Variants in ARHGEF10L observed in about 807,000 individuals in gnomAD.
ARHGEF10L encodes the protein rho guanine nucleotide exchange factor 10-like protein.
Under a neutral mutation model 141.2 loss-of-function variants are expected in ARHGEF10L, and 69 were observed. The ratio of observed to expected loss-of-function variants is 0.49; its 90% confidence interval spans 0.40 to 0.60. ARHGEF10L has a LOEUF of 0.60. ARHGEF10L is among the 20% of genes least tolerant of loss of function. The pLI is 0.00. For synonymous variants in ARHGEF10L, 711 were observed against 718.5 expected (o/e 0.99, Z 0.17); for missense variants, 1,482 against 1,734.3 (o/e 0.85, Z 2.58).
In ARHGEF10L at chr1:17,588,619, G is replaced by A. The variant is rs551290009; in HGVS notation, c.257+140G>A. 54 of 1,042,854 alleles carry A rather than the reference G, an allele frequency of 5.2e-5. No homozygotes were observed. In the African/African-American group the frequency reaches 5.7e-4, roughly 11 times the overall value. 64.6% of individuals were successfully genotyped at this position (1,042,854 alleles called of 1,614,324 possible). A position where few individuals can be genotyped will look rare whatever the true frequency, so the allele number is the denominator to read the frequency against. ...GGAAAGCATTTCACTGAGGCCCTGT[G>A]CCCTGGGGGAAGAGGTCAGTTCCAG... On this transcript the variant is annotated intron_variant, in intron 4 of 28. Transcript: ENST00000361221.
upstream of ARHGEF10L, among the ~76,000 whole-genome samples, chr1:17,536,912 T>C (rs2076583760): frequency 6.6e-6 from 1 of 152,050 alleles, no homozygotes; most frequent in Non-Finnish European, 1.5e-5. Context: ...TGCTGTTGCC[T>C]AGGCTGGGGT....
chr1:17,532,647 T>A, the ARHGEF10L span, among the ~76,000 whole-genome samples: 1 of 146,364 alleles, frequency 6.8e-6, no homozygotes, highest in Admixed American at 7.2e-5. Context: ...CGGGCTGGAG[T>A]GAAGTGGCGT....
chr1:17,665,957 G>T (rs779272924), intron 26 of ARHGEF10L, among the ~76,000 whole-genome samples: 20 of 152,162 alleles, frequency 1.3e-4, no homozygotes, highest in Non-Finnish European at 2.8e-4. Flanking sequence ...AAAGCTGGGA[G>T]ACCTGAGACC....
intron 25 of ARHGEF10L, among the ~76,000 whole-genome samples, chr1:17,658,877 A>G (rs1036219725): frequency 9.9e-5 from 15 of 152,156 alleles, no homozygotes; most frequent in African/African-American, 3.1e-4. Flanking sequence ...CTGAGATCTT[A>G]AGAAGCCAGG....
At chr1:17,664,370 C>G (rs960017504) in intron 25 of ARHGEF10L, 77 bp from the exon 26 acceptor site, 23 of 1,505,730 alleles carry the variant, frequency 1.5e-5, no homozygotes, top group Non-Finnish European at 2.0e-5. Flanking sequence ...TGCTGAGCCC[C>G]CTGCTGCTGG....
At chr1:17,604,013 G>A (rs905108770) in intron 6 of ARHGEF10L, among the ~76,000 whole-genome samples, 7 of 152,268 alleles carry the variant, frequency 4.6e-5, no homozygotes, top group East Asian at 1.9e-4. Context: ...GCAGGCAGGC[G>A]ATTGTGGCCG....
intron 10 of ARHGEF10L, among the ~76,000 whole-genome samples, chr1:17,620,993 G>A (rs1445715843): frequency 6.6e-6 from 1 of 152,152 alleles, no homozygotes; most frequent in East Asian, 1.9e-4. Flanking sequence ...CATGCTCGAC[G>A]GGGTACTGCA....
chr1:17,676,060 G>GTA, intron 26 of ARHGEF10L, among the ~76,000 whole-genome samples: 1 of 148,148 alleles, frequency 6.8e-6, no homozygotes, highest in Admixed American at 6.7e-5. Context: ...GTGCAGGCAT[G>GTA]GGTGCAGGTG....
intron 1 of ARHGEF10L, among the ~76,000 whole-genome samples, chr1:17,565,208 C>T (rs556022390): frequency 6.6e-6 from 1 of 152,184 alleles, no homozygotes; most frequent in Non-Finnish European, 1.5e-5. Context: ...ATCCCATTCA[C>T]GAGGGCTCTA....
In ARHGEF10L at chr1:17,539,786, GCGGGCGGCGCGGCCATTGGCT is replaced by G. The variant is rs2076647436; in HGVS notation, c.-203_-183del. The G allele has an allele frequency of 6.8e-6, 1 of 146,784 alleles. No individual in the cohort carries two copies. The highest frequency in any genetic ancestry group is 1.5e-5 in the Non-Finnish European group (1 of 65,764). 9.1% of individuals were successfully genotyped at this position (146,784 alleles called of 1,614,324 possible). A position where few individuals can be genotyped will look rare whatever the true frequency, so the allele number is the denominator to read the frequency against. ...CGGCGGGCCCGGACCTCGCGGGCGG[GCGGGCGGCGCGGCCATTGGCT>G]CGGGTGGCGGCGGCTGCGGCGGTGG... is the stretch of plus-strand genomic sequence containing the variant. On this transcript the variant is annotated 5_prime_UTR_variant, in exon 1 of 29. Transcript: ENST00000361221. This position sits in a 1 kb window ranked among gnomAD's most constrained non-coding sequence, Gnocchi z 6.0.
intron 21 of ARHGEF10L, among the ~76,000 whole-genome samples, chr1:17,648,061 C>T (rs1182568304): frequency 6.6e-6 from 1 of 152,196 alleles, no homozygotes; most frequent in Non-Finnish European, 1.5e-5. Context: ...CCACCATGGT[C>T]AAGTGTGAGT....
intron 26 of ARHGEF10L, among the ~76,000 whole-genome samples, chr1:17,675,549 G>T (rs1354408678): frequency 1.3e-5 from 2 of 151,806 alleles, no homozygotes; most frequent in Non-Finnish European, 2.9e-5. Context: ...ATGGGTGCAG[G>T]TGTGCGTGCA....
intron 4 of ARHGEF10L, among the ~76,000 whole-genome samples, chr1:17,601,075 AC>A (rs1280072917): frequency 2.0e-5 from 3 of 151,142 alleles, no homozygotes; most frequent in Non-Finnish European, 2.9e-5. Context: ...AAAACAAAAA[AC>A]AAAAAACTCT....
intron 27 of ARHGEF10L, 49 bp downstream of exon 27, chr1:17,687,796 C>A (rs946090556): frequency 1.3e-6 from 2 of 1,524,972 alleles, no homozygotes; most frequent in Non-Finnish European, 1.8e-6. Flanking sequence ...GAGCACCTTC[C>A]ACGGCCAGGT....
In ARHGEF10L at chr1:17,677,814, C is replaced by T. The variant is rs577758128; in HGVS notation, c.3010-9759C>T. 1.5e-4 allele frequency among the ~76,000 whole-genome samples: 23 copies of T among 152,362 alleles called. 1 individual carries two copies. The highest frequency in any genetic ancestry group is 2.9e-4 in the African/African-American group (12 of 41,588). On this transcript the variant is annotated intron_variant, in intron 26 of 28. Coordinates refer to ENST00000361221, the MANE Select transcript of ARHGEF10L (RefSeq NM_018125.4). ...GAGCTGAACCCTGTAGGTCTGCCTC[C>T]GGGCCTGTGGGTTTATTGTTTCTTG...
rs549934231 is a variant in ARHGEF10L at position 17,573,050 on chromosome 1, C to T, written c.-43-7503C>T. Among the ~76,000 whole-genome samples the T allele has an allele frequency of 1.3e-5, 2 of 152,296 alleles. No homozygotes were observed. Among genetic ancestry groups the T allele is most frequent in the African/African-American group, 4.8e-5 (2 of 41,558 alleles). ...GCCCCTCCGTGAGCTCCAGCTCTTTCCTGCCATTCTTCCGTCTGTACACCT... is the reference window on the plus strand; with the variant it reads ...GCCCCTCCGTGAGCTCCAGCTCTTTTCTGCCATTCTTCCGTCTGTACACCT... On this transcript the variant is annotated intron_variant, in intron 1 of 28. Transcript: ENST00000361221. This position sits in a 1 kb window ranked among gnomAD's most constrained non-coding sequence, Gnocchi z 4.8.
At chr1:17,536,909 G>T (rs2265060), upstream of ARHGEF10L, among the ~76,000 whole-genome samples, 1,363 of 152,048 alleles carry the variant, frequency 9.0e-3, 14 homozygotes, top group Non-Finnish European at 0.013. Context: ...TCATGCTGTT[G>T]CCTAGGCTGG....
upstream of ARHGEF10L, among the ~76,000 whole-genome samples, chr1:17,535,201 C>T (rs551971993): frequency 1.2e-4 from 19 of 152,184 alleles, no homozygotes; most frequent in Admixed American, 5.9e-4. Flanking sequence ...ATAAGGGGCG[C>T]GCAGTCTAGA....
chr1:17,630,417 G>A (rs191407522), intron 15 of ARHGEF10L, among the ~76,000 whole-genome samples: 1 of 152,360 alleles, frequency 6.6e-6, no homozygotes, highest in African/African-American at 2.4e-5. Context: ...CTTGGGGCGG[G>A]GGGCCCTGCT....
Sources: gnomAD v4.1 joint callset for allele counts (sites outside exome capture counted in the v4.1 genomes callset) on GRCh38, gnomAD v4.1.1 for gene constraint, Gnocchi (gnomAD v3.1) non-coding constraint, MANE v1.5 for transcripts, NCBI Gene and HGNC (gene_info 2026-07-23, HGNC 2026-07-21) for gene names.